PTDSS1: variants seen among roughly 807,000 people sequenced by gnomAD.
PTDSS1 encodes phosphatidylserine synthase 1.
In PTDSS1, 45 loss-of-function variants were observed where a neutral mutation model predicts 70.5. The ratio of observed to expected loss-of-function variants is 0.64; its 90% CI spans 0.50 to 0.82. The LOEUF (loss-of-function observed/expected upper bound fraction) is 0.82. PTDSS1 is among the 40% of genes least tolerant of loss of function. The probability of loss-of-function intolerance (pLI) is 0.00; values close to 1 mark genes in which losing one functional copy is unlikely to be tolerated. For missense variants in PTDSS1, 417 were observed against 586.1 expected (o/e 0.71, Z 2.98); for synonymous variants, 188 against 203.8 (o/e 0.92, Z 0.66).
At chr8:96,264,121 A>C (rs1421588167) in intron 1 of PTDSS1, among the ~76,000 whole-genome samples, 1 of 152,230 alleles carries the variant, frequency 6.6e-6, no homozygotes, top group Non-Finnish European at 1.5e-5. Flanking sequence ...TTGGAGAGAA[A>C]TGAATCATGT....
intron 9 of PTDSS1, among the ~76,000 whole-genome samples, chr8:96,310,470 CT>C (rs34660364): frequency 0.048 from 6,876 of 142,258 alleles, 199 homozygotes; most frequent in Middle Eastern, 0.075. Flanking sequence ...CCTTGGCTCT[CT>C]TTTTTTTTTT....
chr8:96,326,492 G>C lies in PTDSS1; in HGVS notation c.1174-3721G>C, dbSNP rs532731461. Among the ~76,000 whole-genome samples, 173 of 152,304 alleles carry C rather than the reference G, an allele frequency of 1.1e-3. 1 individual carries two copies. The highest frequency in any genetic ancestry group is 4.1e-3 in the African/African-American group (169 of 41,568). Reference sequence around the variant, plus strand: ...CATAGGAAGCACTCGGCAGCTTCGTGGAGAATAAAGGAGTGAGTTCAAGAG... The same window carrying C: ...CATAGGAAGCACTCGGCAGCTTCGTCGAGAATAAAGGAGTGAGTTCAAGAG... On this transcript the variant is annotated intron_variant, in intron 10 of 12. Coordinates refer to ENST00000517309, the MANE Select transcript of PTDSS1 (RefSeq NM_014754.3).
chr8:96,327,706 CT>C (rs1811457290), intron 10 of PTDSS1, among the ~76,000 whole-genome samples: 1 of 152,120 alleles, frequency 6.6e-6, no homozygotes, highest in African/African-American at 2.4e-5. Flanking sequence ...GCGTGGTTGT[CT>C]GCTCGGCCGT....
intron 4 of PTDSS1, among the ~76,000 whole-genome samples, chr8:96,290,835 T>A (rs1436827374): frequency 6.8e-6 from 1 of 147,378 alleles, no homozygotes; most frequent in Non-Finnish European, 1.5e-5. Flanking sequence ...GAATTAATAT[T>A]ATAAATTAAT....
chr8:96,291,231 G>A (rs985163742), intron 4 of PTDSS1, among the ~76,000 whole-genome samples: 1 of 151,956 alleles, frequency 6.6e-6, no homozygotes, highest in Non-Finnish European at 1.5e-5. Context: ...ACAAATAATT[G>A]TTGGCTATTG....
intron 10 of PTDSS1, among the ~76,000 whole-genome samples, chr8:96,329,788 C>T (rs907295742): frequency 3.9e-5 from 6 of 152,206 alleles, no homozygotes; most frequent in Middle Eastern, 3.2e-3. Flanking sequence ...GCCGCTGTGA[C>T]CTCTTCCCCC....
At chr8:96,273,980 A>G (rs1410988020) in intron 2 of PTDSS1, among the ~76,000 whole-genome samples, 2 of 152,194 alleles carry the variant, frequency 1.3e-5, no homozygotes, top group Non-Finnish European at 2.9e-5. Context: ...TTAAAAAGTA[A>G]GTTTGGTGTT....
In PTDSS1 at chr8:96,306,443, GCTGA is replaced by G; in HGVS notation, c.899_902del (p.Thr300SerfsTer2). The G allele has an allele frequency of 6.2e-7, 1 of 1,611,650 alleles. No homozygotes were observed. Among genetic ancestry groups the G allele is most frequent in the African/African-American group, 1.3e-5 (1 of 74,956 alleles). ...TTGACTAATTTCTCCGTCTTTTTCA[GCTGA>G]CTGAGTTGAATACCTTCTTCTTGAA... On this transcript the variant is annotated frameshift_variant and splice_region_variant, in exon 8 of 13. Coordinates refer to ENST00000517309, the MANE Select transcript of PTDSS1 (RefSeq NM_014754.3). LOFTEE classifies it high-confidence loss of function.
intron 6 of PTDSS1, 117 bp downstream of exon 6, chr8:96,299,962 T>C: frequency 8.1e-7 from 1 of 1,241,672 alleles, no homozygotes; most frequent in East Asian, 2.5e-5. Context: ...TCCATGTTAA[T>C]AACTGAAACT....
chr8:96,289,281 G>T (rs968730405), intron 4 of PTDSS1, among the ~76,000 whole-genome samples: 18 of 152,150 alleles, frequency 1.2e-4, no homozygotes, highest in African/African-American at 4.3e-4. Context: ...AGGATGGAAG[G>T]TGGGACTGAA....
chr8:96,330,909 T>G (rs1309712920), intron 11 of PTDSS1, 117 bp from the exon 12 acceptor site: 9 of 797,370 alleles, frequency 1.1e-5, no homozygotes, highest in African/African-American at 1.7e-5. Flanking sequence ...TTCTGTCACT[T>G]GCCAGTGATG....
chr8:96,318,950 G>A (rs533115504), intron 9 of PTDSS1, among the ~76,000 whole-genome samples: 6 of 114,428 alleles, frequency 5.2e-5, no homozygotes, highest in African/African-American at 6.8e-5. Context: ...TCACTCTGTC[G>A]CCCAGGCTGG....
intron 10 of PTDSS1, among the ~76,000 whole-genome samples, chr8:96,321,499 T>A (rs1811371947): frequency 6.6e-6 from 1 of 152,238 alleles, no homozygotes; most frequent in Admixed American, 6.5e-5. Flanking sequence ...TAACCCTCTT[T>A]CCCTCGTAAT....
chr8:96,293,949 A>C (rs1810941900), intron 4 of PTDSS1, among the ~76,000 whole-genome samples: 1 of 152,210 alleles, frequency 6.6e-6, no homozygotes, highest in African/African-American at 2.4e-5. Flanking sequence ...TGTGACAAGA[A>C]CGTGCTGTTC....
intron 2 of PTDSS1, among the ~76,000 whole-genome samples, chr8:96,277,004 A>G (rs1245927404): frequency 6.6e-6 from 1 of 152,030 alleles, no homozygotes; most frequent in Non-Finnish European, 1.5e-5. Flanking sequence ...ACACACACAC[A>G]CACACACACC....
intron 1 of PTDSS1, among the ~76,000 whole-genome samples, chr8:96,266,072 C>G (rs761800451): frequency 6.6e-6 from 1 of 152,226 alleles, no homozygotes; most frequent in African/African-American, 2.4e-5. Flanking sequence ...ACTCTGCATT[C>G]AGGGGTTGGT....
intron 5 of PTDSS1, among the ~76,000 whole-genome samples, chr8:96,297,277 C>T (rs1033349300): frequency 2.0e-5 from 3 of 152,154 alleles, no homozygotes; most frequent in Non-Finnish European, 4.4e-5. Context: ...CTCCTGGGCT[C>T]AAGCGATTCT....
At position 96,295,061 on chromosome 8, in the gene PTDSS1, G is replaced by A. The variant is rs540198385; in HGVS notation, c.442-37G>A. On this transcript the variant is annotated intron_variant, in intron 4 of 12. Transcript: ENST00000517309. Reference sequence around the variant, plus strand: ...AATCCTGGAAGCAAGTTGATTTCTAGAGTTTCACTAATTATTCTCTTTTTT... The same window carrying A: ...AATCCTGGAAGCAAGTTGATTTCTAAAGTTTCACTAATTATTCTCTTTTTT... 82 of 1,554,930 alleles carry A rather than the reference G, an allele frequency of 5.3e-5. 2 individuals are homozygous for A. The South Asian group carries it at 9.2e-4, about 17-fold the overall frequency.
intron 8 of PTDSS1, 110 bp downstream of exon 8, chr8:96,306,666 A>G: frequency 1.2e-6 from 1 of 822,994 alleles, no homozygotes; most frequent in Non-Finnish European, 2.0e-6. Context: ...TGAAAATACC[A>G]TCGTAAAGAA....
Sources: gnomAD v4.1 joint callset for allele counts (sites outside exome capture counted in the v4.1 genomes callset) on GRCh38, gnomAD v4.1.1 for gene constraint, MANE v1.5 for transcripts, NCBI Gene and HGNC (gene_info 2026-07-23, HGNC 2026-07-21) for gene names.